TUNAR: variants seen among roughly 807,000 people sequenced by gnomAD.
The protein encoded by TUNAR is protein TUNAR.
At chr14:95,888,110 T>G (rs1234610496) in intron 2 of TUNAR, among the ~76,000 whole-genome samples, 2 of 152,228 alleles carry the variant, frequency 1.3e-5, no homozygotes, top group Non-Finnish European at 2.9e-5. Flanking sequence ...GAGCTTATCC[T>G]CTAATTCCCT....
chr14:95,911,848 G>A (rs745537036), intron 2 of TUNAR, among the ~76,000 whole-genome samples: 1 of 152,190 alleles, frequency 6.6e-6, no homozygotes, highest in Non-Finnish European at 1.5e-5. Flanking sequence ...TGACAAACAA[G>A]TTGGTACTAG....
At chr14:95,884,780 T>C (rs933428273) in intron 2 of TUNAR, among the ~76,000 whole-genome samples, 3 of 152,202 alleles carry the variant, frequency 2.0e-5, no homozygotes, top group Non-Finnish European at 2.9e-5. Context: ...GTCCAAACAC[T>C]GCGGTCCCCA....
intron 2 of TUNAR, among the ~76,000 whole-genome samples, chr14:95,890,148 AT>A (rs1009575436): frequency 4.6e-5 from 7 of 151,508 alleles, no homozygotes; most frequent in Admixed American, 1.3e-4. Flanking sequence ...GCAATGGGAG[AT>A]TTTTTTTTAT....
At chr14:95,910,573 A>G (rs1464466249) in intron 2 of TUNAR, among the ~76,000 whole-genome samples, 1 of 152,226 alleles carries the variant, frequency 6.6e-6, no homozygotes, top group Non-Finnish European at 1.5e-5. Flanking sequence ...AATTAATACT[A>G]ATCATTGTGA....
intron 2 of TUNAR, among the ~76,000 whole-genome samples, chr14:95,890,853 C>T (rs1566786376): frequency 6.6e-6 from 1 of 152,164 alleles, no homozygotes. Context: ...TCAGAGTATT[C>T]TTGGTTTTCC....
chr14:95,892,427 C>G (rs898141435), intron 2 of TUNAR, among the ~76,000 whole-genome samples: 1 of 152,248 alleles, frequency 6.6e-6, no homozygotes, highest in African/African-American at 2.4e-5. Context: ...ATTGTGTGTT[C>G]CGGGGAGCCG....
chr14:95,889,982 C>T (rs1057130531), intron 2 of TUNAR, among the ~76,000 whole-genome samples: 1 of 143,444 alleles, frequency 7.0e-6, no homozygotes, highest in African/African-American at 2.6e-5. Flanking sequence ...AAAAAACTGA[C>T]AAATGATTCT....
chr14:95,892,560 T>C (rs1028031720), intron 2 of TUNAR, among the ~76,000 whole-genome samples: 1 of 152,228 alleles, frequency 6.6e-6, no homozygotes, highest in African/African-American at 2.4e-5. Flanking sequence ...GGAAGTGGCA[T>C]GGAGCTTAGA....
intron 2 of TUNAR, among the ~76,000 whole-genome samples, chr14:95,908,958 G>A (rs553327152): frequency 2.6e-5 from 4 of 152,306 alleles, no homozygotes; most frequent in East Asian, 1.9e-4. Context: ...GGGGGGTGAC[G>A]TTGCTGGGCT....
At chr14:95,879,352 G>A (rs1377367374) in intron 2 of TUNAR, among the ~76,000 whole-genome samples, 2 of 152,166 alleles carry the variant, frequency 1.3e-5, no homozygotes, top group Non-Finnish European at 2.9e-5. Flanking sequence ...GGCTCATAGG[G>A]ATCTGCAAAG....
chr14:95,916,040 A>G (rs138622276), intron 2 of TUNAR, among the ~76,000 whole-genome samples: 59 of 152,244 alleles, frequency 3.9e-4, no homozygotes, highest in Middle Eastern at 3.2e-3. Flanking sequence ...ATTTGTTTTA[A>G]TATCAGTATT....
At chr14:95,896,455 G>T (rs1266101999) in intron 2 of TUNAR, among the ~76,000 whole-genome samples, 1 of 152,316 alleles carries the variant, frequency 6.6e-6, no homozygotes, top group South Asian at 2.1e-4. Context: ...CTGGGACAAA[G>T]CACCTCCTGC....
chr14:95,915,648 C>A (rs575390671), intron 2 of TUNAR, among the ~76,000 whole-genome samples: 1 of 152,264 alleles, frequency 6.6e-6, no homozygotes, highest in Non-Finnish European at 1.5e-5. Flanking sequence ...GGATTCCACA[C>A]TGAACCCTGA....
At chr14:95,887,199 C>T (rs1889092377) in intron 2 of TUNAR, among the ~76,000 whole-genome samples, 1 of 152,176 alleles carries the variant, frequency 6.6e-6, no homozygotes, top group Non-Finnish European at 1.5e-5. Context: ...TAAGTTTAAG[C>T]CAAACCATCT....
At chr14:95,922,553 T>C (rs1227144135) in intron 2 of TUNAR, among the ~76,000 whole-genome samples, 3 of 152,216 alleles carry the variant, frequency 2.0e-5, no homozygotes, top group South Asian at 2.1e-4. Flanking sequence ...TCTAGGCTCC[T>C]CTCTCTGTAC....
chr14:95,914,899 C>T (rs17093543), intron 2 of TUNAR, among the ~76,000 whole-genome samples: 2,131 of 152,192 alleles, frequency 0.014, 58 homozygotes, highest in African/African-American at 0.049. Context: ...TCATTCCTTC[C>T]GTATCAATTT....
chr14:95,916,394 C>T (rs771060008), intron 2 of TUNAR, among the ~76,000 whole-genome samples: 1 of 152,200 alleles, frequency 6.6e-6, no homozygotes, highest in Non-Finnish European at 1.5e-5. Flanking sequence ...TGGTCTTTTG[C>T]AACGCGCTTT....
intron 2 of TUNAR, among the ~76,000 whole-genome samples, chr14:95,902,611 C>T (rs1320729891): frequency 6.6e-6 from 1 of 152,166 alleles, no homozygotes; most frequent in African/African-American, 2.4e-5. Context: ...CCTTAGCAAA[C>T]GCTGATCTCC....
chr14:95,893,627 C>T (rs1044434242), intron 2 of TUNAR, among the ~76,000 whole-genome samples: 4 of 152,036 alleles, frequency 2.6e-5, no homozygotes, highest in Admixed American at 1.3e-4. Flanking sequence ...AGCAGGTGCT[C>T]ATTTAACAAA....
Sources: allele counts gnomAD v4.1 joint callset (sites outside exome capture counted in the v4.1 genomes callset), GRCh38; gene constraint gnomAD v4.1.1; transcripts MANE v1.5; gene names NCBI Gene and HGNC (gene_info 2026-07-23, HGNC 2026-07-21).